ROCK1: variants seen among roughly 807,000 people sequenced by gnomAD.
ROCK1 encodes Rho associated coiled-coil containing protein kinase 1, also known as rho-associated protein kinase 1.
In ROCK1, 36 loss-of-function variants were observed where a neutral mutation model predicts 196.8. The ratio of observed to expected loss-of-function variants is 0.18; its 90% CI spans 0.14 to 0.24. The LOEUF (loss-of-function observed/expected upper bound fraction) is 0.24. Among genes scored for constraint, ROCK1 ranks in the 10% least tolerant of loss-of-function variants. The pLI is 1.00. For synonymous variants in ROCK1, 443 were observed against 515.9 expected (o/e 0.86, Z 1.91); for missense variants, 920 against 1,562.0 (o/e 0.59, Z 6.93).
intron 16 of ROCK1, among the ~76,000 whole-genome samples, 173 bp from the exon 17 acceptor site, chr18:20,993,110 T>G (rs570845825): frequency 6.6e-6 from 1 of 152,272 alleles, no homozygotes; most frequent in East Asian, 1.9e-4. Context: ...AAAATATTAA[T>G]GCTAATTGGA....
At chr18:20,977,045 C>T (rs1019177670) in intron 22 of ROCK1, among the ~76,000 whole-genome samples, 1 of 152,136 alleles carries the variant, frequency 6.6e-6, no homozygotes, top group Non-Finnish European at 1.5e-5. Context: ...TATAATTTTA[C>T]ATCTAAGTTT....
intron 1 of ROCK1, among the ~76,000 whole-genome samples, chr18:21,100,318 A>G (rs1213784118): frequency 1.3e-5 from 2 of 152,060 alleles, no homozygotes; most frequent in Admixed American, 1.3e-4. Flanking sequence ...CACCAAAAGG[A>G]AAGAGTTTCC....
At chr18:21,060,371 G>A (rs575448865) in intron 2 of ROCK1, among the ~76,000 whole-genome samples, 6 of 152,152 alleles carry the variant, frequency 3.9e-5, no homozygotes, top group East Asian at 1.9e-4. Flanking sequence ...TAGCAAATGC[G>A]GCAAGGATGC....
At chr18:20,980,097 C>A in intron 21 of ROCK1, 93 bp from the exon 22 acceptor site, 1 of 1,337,988 alleles carries the variant, frequency 7.5e-7, no homozygotes, top group Non-Finnish European at 9.7e-7. Context: ...AACATATGAT[C>A]CAACAATTCC....
At chr18:21,043,872 C>A (rs1015840457) in intron 6 of ROCK1, among the ~76,000 whole-genome samples, 1 of 151,888 alleles carries the variant, frequency 6.6e-6, no homozygotes, top group Non-Finnish European at 1.5e-5. Context: ...GTAAATCTGG[C>A]AATCCATATT....
In ROCK1 at chr18:20,984,470, C is replaced by A; in HGVS notation, c.2370G>T (p.Leu790Phe). 6.2e-7 allele frequency: 1 copy of A among 1,613,412 alleles called. No individual in the cohort carries two copies. The highest frequency in any genetic ancestry group is 8.5e-7 in the Non-Finnish European group (1 of 1,179,824). Residue 790 changes from leucine to phenylalanine, a missense_variant, in exon 20 of 33, where the codon TTG becomes TTT. Leu to Phe is a conservative substitution (Grantham distance 22). Transcript: ENST00000399799. ...SNKRLLLQNE[L>F]KTQAFEADNL... ...TGTCTGCCTCAAATGCTTGAGTCTT[C>A]AATTCATTTTGTAACAACAGCCGCT...
intron 8 of ROCK1, 57 bp from the exon 9 acceptor site, chr18:21,039,620 G>A (rs1399544387): frequency 8.2e-7 from 1 of 1,226,604 alleles, no homozygotes; most frequent in Non-Finnish European, 1.2e-6. Flanking sequence ...ATTATAACCT[G>A]TCCAGGTTTA....
At chr18:21,061,166 C>G (rs1364180954) in intron 2 of ROCK1, among the ~76,000 whole-genome samples, 4 of 151,534 alleles carry the variant, frequency 2.6e-5, no homozygotes, top group African/African-American at 9.7e-5. Flanking sequence ...GCAACCTCCA[C>G]TTCCCAGGTT....
At chr18:21,085,859 G>A (rs1398515534) in intron 1 of ROCK1, among the ~76,000 whole-genome samples, 1 of 152,102 alleles carries the variant, frequency 6.6e-6, no homozygotes, top group Non-Finnish European at 1.5e-5. Flanking sequence ...TTATCCAAAT[G>A]AGTCACAAAA....
chr18:20,992,749 G>A (rs2035637373), intron 17 of ROCK1, 82 bp downstream of exon 17: 3 of 773,290 alleles, frequency 3.9e-6, no homozygotes, highest in Non-Finnish European at 6.2e-6. Flanking sequence ...AAGAATAAAT[G>A]CTATTTTATA....
chr18:21,089,349 C>A (rs569643130), intron 1 of ROCK1, among the ~76,000 whole-genome samples: 1 of 152,318 alleles, frequency 6.6e-6, no homozygotes, highest in East Asian at 1.9e-4. Context: ...CGTGAGCCAC[C>A]GCAGCCGGCC....
chr18:20,990,530 C>T (rs988190067), intron 18 of ROCK1, among the ~76,000 whole-genome samples: 1 of 151,100 alleles, frequency 6.6e-6, no homozygotes, highest in Non-Finnish European at 1.5e-5. Context: ...GCTGTCTCTA[C>T]TAAAAATACA....
chr18:21,089,932 A>T (rs766329067), intron 1 of ROCK1, among the ~76,000 whole-genome samples: 17 of 152,256 alleles, frequency 1.1e-4, no homozygotes, highest in Non-Finnish European at 2.4e-4. Flanking sequence ...GTATGTTAAC[A>T]GTCTTTTCAG....
intron 21 of ROCK1, among the ~76,000 whole-genome samples, chr18:20,981,494 C>G (rs1241177146): frequency 2.0e-5 from 3 of 152,212 alleles, no homozygotes; most frequent in Non-Finnish European, 4.4e-5. Flanking sequence ...ACAAAATTCA[C>G]TAAGCTTTTG....
At chr18:21,042,295 C>G in intron 7 of ROCK1, 60 bp from the exon 8 acceptor site, 1 of 1,434,010 alleles carries the variant, frequency 7.0e-7, no homozygotes, top group Non-Finnish European at 9.4e-7. Flanking sequence ...AAGTCAGTTT[C>G]AAAGGAAGAG....
At chr18:21,007,946 T>C (rs1371117929) in intron 14 of ROCK1, 113 bp downstream of exon 14, 8 of 577,314 alleles carry the variant, frequency 1.4e-5, no homozygotes, top group Non-Finnish European at 1.8e-5. Flanking sequence ...TTATTTAGCT[T>C]ATAAAGTGTC....
rs376960135 is a variant in ROCK1 at position 20,955,559 on chromosome 18, C to T, written c.3513-314G>A. On this transcript the variant is annotated intron_variant, in intron 29 of 32. Transcript: ENST00000399799. ...TATGGCAATTTCTTAGAAAACTAAA[C>T]ATATGCTTACCATATAACCCAGCAA... 17 of 213,340 alleles carry T rather than the reference C, an allele frequency of 8.0e-5. No homozygotes were observed. The East Asian group carries it at 1.7e-3, about 22-fold the overall frequency. The allele number at this position is 213,340 out of a possible 1,614,324, so 13.2% of individuals were successfully genotyped here. A position where few individuals can be genotyped will look rare whatever the true frequency, so the allele number is the denominator to read the frequency against.
intron 13 of ROCK1, among the ~76,000 whole-genome samples, chr18:21,008,756 A>G (rs1190762155): frequency 6.6e-6 from 1 of 152,198 alleles, no homozygotes; most frequent in Non-Finnish European, 1.5e-5. Context: ...TTCTGATTCT[A>G]AGAGTTTATC....
chr18:21,018,062 A>T (rs1318367260), intron 12 of ROCK1, among the ~76,000 whole-genome samples: 4 of 152,120 alleles, frequency 2.6e-5, no homozygotes, highest in Non-Finnish European at 4.4e-5. Flanking sequence ...TTTTTATTTT[A>T]AAAACTATTT....
Sources: gnomAD v4.1 joint callset for allele counts (sites outside exome capture counted in the v4.1 genomes callset) on GRCh38, gnomAD v4.1.1 for gene constraint, MANE v1.5 for transcripts, NCBI Gene and HGNC (gene_info 2026-07-23, HGNC 2026-07-21) for gene names.